The following MAGI2 variants were observed in gnomAD, a reference collection of about 807,000 sequenced individuals.
The protein encoded by MAGI2 is membrane-associated guanylate kinase, WW and PDZ domain-containing protein 2.
Under a neutral mutation model 133.3 loss-of-function variants are expected in MAGI2, and 35 were observed. That is an observed-to-expected ratio of 0.26 (90% CI 0.20 to 0.35). The LOEUF is 0.35. MAGI2 is among the 10% of genes least tolerant of loss of function. The probability of loss-of-function intolerance (pLI) is 1.00; values close to 1 mark genes in which losing one functional copy is unlikely to be tolerated. For synonymous variants in MAGI2, 729 were observed against 710.6 expected, an observed-to-expected ratio of 1.03 and a Z score of -0.41; for missense variants, 1,636 against 1,863.4, an observed-to-expected ratio of 0.88 and a Z score of 2.25.
At chr7:79,437,348 T>A (rs1848215040) in intron 1 of MAGI2, among the ~76,000 whole-genome samples, 1 of 152,108 alleles carries the variant, frequency 6.6e-6, no homozygotes. Context: ...AAATTTGAAA[T>A]TTTTTAAAAG....
intron 2 of MAGI2, among the ~76,000 whole-genome samples, chr7:78,728,616 A>T (rs1479970512): frequency 1.3e-5 from 1 of 74,678 alleles, no homozygotes; most frequent in Non-Finnish European, 2.2e-5. Context: ...CCCAGGCTGG[A>T]GTGCAGTGGC....
At chr7:79,066,616 G>A (rs1814361220) in intron 1 of MAGI2, among the ~76,000 whole-genome samples, 1 of 152,086 alleles carries the variant, frequency 6.6e-6, no homozygotes, top group Non-Finnish European at 1.5e-5. Flanking sequence ...AGTTTAATTA[G>A]ATCCCATTTG....
intron 1 of MAGI2, among the ~76,000 whole-genome samples, chr7:79,302,314 A>T (rs1406155): frequency 0.93 from 141,792 of 152,244 alleles, 66,390 homozygotes; most frequent in Non-Finnish European, 0.98. Context: ...AAAAAGACAA[A>T]GTTCATATTA....
intron 1 of MAGI2, among the ~76,000 whole-genome samples, chr7:79,140,551 G>A (rs996525373): frequency 3.9e-5 from 6 of 152,040 alleles, no homozygotes; most frequent in Non-Finnish European, 8.8e-5. Flanking sequence ...TTGAAATATG[G>A]AAAGGACGAT....
At chr7:78,104,421 G>T (rs78368188) in intron 20 of MAGI2, among the ~76,000 whole-genome samples, 1 of 151,626 alleles carries the variant, frequency 6.6e-6, no homozygotes, top group Non-Finnish European at 1.5e-5. Flanking sequence ...ATGGGGTTTC[G>T]CTGTGTTAGC....
At chr7:79,139,631 G>A (rs1013830584) in intron 1 of MAGI2, among the ~76,000 whole-genome samples, 4 of 152,150 alleles carry the variant, frequency 2.6e-5, no homozygotes, top group Admixed American at 6.5e-5. Flanking sequence ...AGGCTGTCAG[G>A]AAGCAAGGGG....
At chr7:78,647,851 A>T (rs185417135) in intron 2 of MAGI2, among the ~76,000 whole-genome samples, 130 of 152,310 alleles carry the variant, frequency 8.5e-4, no homozygotes, top group Non-Finnish European at 1.6e-3. Flanking sequence ...TTGCAGGGAC[A>T]TGGATGAGGC....
intron 6 of MAGI2, among the ~76,000 whole-genome samples, chr7:78,459,454 G>A (rs1386852053): frequency 6.6e-6 from 1 of 152,064 alleles, no homozygotes; most frequent in African/African-American, 2.4e-5. Context: ...AAATGCAGAG[G>A]CTGAATATTT....
intron 5 of MAGI2, among the ~76,000 whole-genome samples, chr7:78,495,105 T>C (rs913155446): frequency 1.3e-5 from 2 of 152,206 alleles, no homozygotes; most frequent in African/African-American, 4.8e-5. Context: ...GAATTGACTT[T>C]ACGTTTACAA....
At chr7:78,249,704 G>A (rs1274902794) in intron 10 of MAGI2, among the ~76,000 whole-genome samples, 1 of 152,090 alleles carries the variant, frequency 6.6e-6, no homozygotes, top group Non-Finnish European at 1.5e-5. Context: ...TGGCTGGGGA[G>A]GGTAGTGGGA....
intron 21 of MAGI2, among the ~76,000 whole-genome samples, chr7:78,050,766 T>C (rs557144058): frequency 6.6e-4 from 101 of 152,322 alleles, no homozygotes; most frequent in African/African-American, 2.4e-3. Context: ...CTAGTTCTCA[T>C]TCTGCCTGAA....
intron 2 of MAGI2, among the ~76,000 whole-genome samples, chr7:78,781,824 T>A (rs37848): frequency 6.6e-6 from 1 of 152,136 alleles, no homozygotes; most frequent in African/African-American, 2.4e-5. Context: ...AGGTAGGCAC[T>A]GGAAGAGGTC....
chr7:78,560,570 C>T lies in MAGI2; in HGVS notation c.539-38925G>A, dbSNP rs369052893. ...ATTTTTTTAAAATTATGTTTAAAAACATGCAAAAAATTATTTTGTAGTTTC... is the reference window on the plus strand; with the variant it reads ...ATTTTTTTAAAATTATGTTTAAAAATATGCAAAAAATTATTTTGTAGTTTC... On this transcript the variant is annotated intron_variant, in intron 3 of 21. Coordinates refer to ENST00000354212, the MANE Select transcript of MAGI2 (RefSeq NM_012301.4). 7.9e-5 allele frequency among the ~76,000 whole-genome samples: 12 copies of T among 152,172 alleles called. No homozygotes were observed. The East Asian group carries it at 2.3e-3, about 29-fold the overall frequency.
chr7:78,664,775 A>G (rs1813362255), intron 2 of MAGI2, among the ~76,000 whole-genome samples: 1 of 145,934 alleles, frequency 6.9e-6, no homozygotes, highest in Non-Finnish European at 1.5e-5. Context: ...CAAAAAAATA[A>G]GAAAAGGGAA....
chr7:78,539,507 A>G (rs1563142591), intron 3 of MAGI2, among the ~76,000 whole-genome samples: 2 of 151,892 alleles, frequency 1.3e-5, no homozygotes, highest in Admixed American at 1.3e-4. Flanking sequence ...CCCTTTCAAG[A>G]CATTTTGATG....
chr7:79,116,280 G>A (rs1370354060), intron 1 of MAGI2, among the ~76,000 whole-genome samples: 2 of 152,088 alleles, frequency 1.3e-5, no homozygotes, highest in Non-Finnish European at 2.9e-5. Flanking sequence ...CATCCCCTTA[G>A]CAGAATATCC....
At chr7:78,357,014 C>T (rs544742989) in intron 7 of MAGI2, among the ~76,000 whole-genome samples, 1 of 152,174 alleles carries the variant, frequency 6.6e-6, no homozygotes, top group African/African-American at 2.4e-5. Flanking sequence ...ATATTCTACT[C>T]ATTTCATAGG....
chr7:78,408,913 A>G (rs1441819429), intron 6 of MAGI2, among the ~76,000 whole-genome samples: 1 of 152,082 alleles, frequency 6.6e-6, no homozygotes, highest in African/African-American at 2.4e-5. Flanking sequence ...TTGTATTTCT[A>G]CTGGATAATA....
chr7:78,742,705 A>T (rs898573689), intron 2 of MAGI2, among the ~76,000 whole-genome samples: 5 of 152,222 alleles, frequency 3.3e-5, no homozygotes, highest in African/African-American at 1.2e-4. Context: ...CCTCTCATCC[A>T]TCAAGAAGTT....
Sources: allele counts gnomAD v4.1 joint callset (sites outside exome capture counted in the v4.1 genomes callset), GRCh38; gene constraint gnomAD v4.1.1; transcripts MANE v1.5; gene names NCBI Gene and HGNC (gene_info 2026-07-23, HGNC 2026-07-21).